The following NREP variants were observed in gnomAD, a reference collection of about 807,000 sequenced individuals.
NREP encodes the protein neuronal regeneration related protein.
Under a neutral mutation model 8.6 loss-of-function variants are expected in NREP, and 5 were observed. The ratio of observed to expected loss-of-function variants is 0.58; its 90% CI spans 0.30 to 1.22. NREP has a LOEUF of 1.22. NREP is among the 50% of genes most tolerant of loss of function. The pLI is 0.07. For synonymous variants in NREP, 27 were observed against 28.0 expected (o/e 0.96, Z 0.11); for missense variants, 86 against 82.5 (o/e 1.04, Z -0.17).
At chr5:111,946,312 T>C (rs2112625698) in intron 2 of NREP, among the ~76,000 whole-genome samples, 1 of 152,082 alleles carries the variant, frequency 6.6e-6, no homozygotes. Context: ...CTTAACAAAG[T>C]ACTGCCAACA....
chr5:111,954,521 A>G (rs991024235), intron 2 of NREP, among the ~76,000 whole-genome samples: 1 of 152,152 alleles, frequency 6.6e-6, no homozygotes, highest in Non-Finnish European at 1.5e-5. Flanking sequence ...ATGCATTTTG[A>G]TACCATTGAA....
chr5:111,761,786 G>C (rs1356199557), upstream of NREP, among the ~76,000 whole-genome samples: 1 of 152,184 alleles, frequency 6.6e-6, no homozygotes, highest in Admixed American at 6.5e-5. Context: ...GCCAATCAGT[G>C]TATTGAATTG....
At chr5:111,827,834 C>G (rs535597472) in intron 2 of NREP, among the ~76,000 whole-genome samples, 1 of 151,944 alleles carries the variant, frequency 6.6e-6, no homozygotes, top group Non-Finnish European at 1.5e-5. Context: ...CACGGGATGA[C>G]TCTGTCTCAA....
At chr5:111,795,115 G>A (rs768729301) in intron 2 of NREP, among the ~76,000 whole-genome samples, 5 of 151,986 alleles carry the variant, frequency 3.3e-5, no homozygotes, top group South Asian at 2.1e-4. Context: ...TGACTTATAC[G>A]AAGGGACATT....
chr5:111,953,049 C>T (rs146400277), intron 2 of NREP, among the ~76,000 whole-genome samples: 6 of 152,142 alleles, frequency 3.9e-5, no homozygotes, highest in African/African-American at 1.4e-4. Context: ...CTAACCTATA[C>T]TTTGCTGCAG....
At chr5:111,962,660 T>G (rs1756511211) in intron 2 of NREP, among the ~76,000 whole-genome samples, 1 of 152,188 alleles carries the variant, frequency 6.6e-6, no homozygotes. Flanking sequence ...AATGTCTTTT[T>G]GTTAATTGAA....
chr5:111,855,534 A>G (rs1753407103), intron 2 of NREP, among the ~76,000 whole-genome samples: 1 of 152,066 alleles, frequency 6.6e-6, no homozygotes, highest in Non-Finnish European at 1.5e-5. Context: ...GGCTCATTTA[A>G]CTCACACTTC....
At chr5:111,930,449 T>C (rs1461212376) in intron 2 of NREP, among the ~76,000 whole-genome samples, 1 of 152,206 alleles carries the variant, frequency 6.6e-6, no homozygotes, top group Non-Finnish European at 1.5e-5. Context: ...ATGTATTTTA[T>C]GATTATGTTT....
chr5:111,750,639 G>C (rs1184229273), intron 2 of NREP, among the ~76,000 whole-genome samples: 1 of 152,130 alleles, frequency 6.6e-6, no homozygotes, highest in Non-Finnish European at 1.5e-5. Context: ...TTTAGCACTA[G>C]ATTATATTGT....
At chr5:111,932,117 C>CAAAAAAAA (rs57518070) in intron 2 of NREP, among the ~76,000 whole-genome samples, 1 of 115,590 alleles carries the variant, frequency 8.7e-6, no homozygotes, top group Non-Finnish European at 1.9e-5. Context: ...AGACTTTTTG[C>CAAAAAAAA]AAAAAAAAAA....
chr5:111,907,897 T>C (rs964303182), intron 2 of NREP, among the ~76,000 whole-genome samples: 1 of 152,096 alleles, frequency 6.6e-6, no homozygotes, highest in African/African-American at 2.4e-5. Context: ...ATTTTTTTTA[T>C]ATCCCTGTTA....
intron 2 of NREP, among the ~76,000 whole-genome samples, chr5:111,754,771 A>G (rs1750597723): frequency 6.6e-6 from 1 of 152,252 alleles, no homozygotes; most frequent in Non-Finnish European, 1.5e-5. Context: ...ATAAAAATCA[A>G]ACTGAACTCA....
chr5:111,888,189 A>G (rs1418081314), intron 2 of NREP, among the ~76,000 whole-genome samples: 2 of 152,226 alleles, frequency 1.3e-5, no homozygotes, highest in African/African-American at 2.4e-5. Flanking sequence ...TGAAGCATTA[A>G]TGATTGCCAA....
At chr5:111,956,909 A>G (rs1054615080) in intron 2 of NREP, among the ~76,000 whole-genome samples, 21 of 152,052 alleles carry the variant, frequency 1.4e-4, no homozygotes, top group African/African-American at 4.8e-4. Flanking sequence ...GGTTGCAGTG[A>G]GCAGAGATTG....
At chr5:111,771,010 T>C (rs1751206636) in intron 2 of NREP, among the ~76,000 whole-genome samples, 2 of 152,236 alleles carry the variant, frequency 1.3e-5, no homozygotes, top group African/African-American at 2.4e-5. Context: ...TATAGAAATT[T>C]TGTTTTTCTC....
intron 3 of NREP, chr5:111,734,722 G>C: frequency 1.4e-6 from 1 of 700,508 alleles, no homozygotes; most frequent in Non-Finnish European, 2.6e-6. Context: ...ATTTTCAGTG[G>C]ATTCTGTTTT....
At chr5:111,874,992 C>A (rs991502266) in intron 2 of NREP, among the ~76,000 whole-genome samples, 2 of 152,234 alleles carry the variant, frequency 1.3e-5, no homozygotes, top group East Asian at 1.9e-4. Context: ...AGAAAAACAA[C>A]CTTTCCCAGT....
chr5:111,749,855 T>C (rs3756606), intron 2 of NREP, among the ~76,000 whole-genome samples: 13,484 of 152,208 alleles, frequency 0.089, 687 homozygotes, highest in East Asian at 0.23. Context: ...CAGTTCCTTC[T>C]AGCTAGAGAC....
At chr5:111,843,956 A>C (rs1369643591) in intron 2 of NREP, among the ~76,000 whole-genome samples, 1 of 152,214 alleles carries the variant, frequency 6.6e-6, no homozygotes, top group African/African-American at 2.4e-5. Context: ...AGATTCTCAG[A>C]TTTGATTTCC....
Sources: gnomAD v4.1 joint callset for allele counts (sites outside exome capture counted in the v4.1 genomes callset) on GRCh38, gnomAD v4.1.1 for gene constraint, MANE v1.5 for transcripts, NCBI Gene and HGNC (gene_info 2026-07-23, HGNC 2026-07-21) for gene names.